The following COA1 variants were observed in gnomAD, a reference collection of about 807,000 sequenced individuals.
COA1 encodes cytochrome c oxidase assembly factor 1, also known as cytochrome c oxidase assembly factor 1 homolog.
A neutral mutation model predicts 16.0 loss-of-function variants in COA1; 13 were observed. That is an observed-to-expected ratio of 0.81 (90% CI 0.53 to 1.29). The LOEUF (loss-of-function observed/expected upper bound fraction) is 1.29. Ranked by LOEUF, COA1 falls within the 50% of genes most tolerant of loss-of-function variation. The pLI is 0.00. For missense variants in COA1, 179 were observed against 177.0 expected, an observed-to-expected ratio of 1.01 and a Z score of -0.06; for synonymous variants, 65 against 65.7, an observed-to-expected ratio of 0.99 and a Z score of 0.05.
rs187264143 is a variant in COA1 at position 43,658,159 on chromosome 7, G to A, written c.-38-9507C>T. Among the ~76,000 whole-genome samples the A allele has an allele frequency of 6.4e-3, 973 of 152,108 alleles. 4 individuals carry two copies. The highest frequency in any genetic ancestry group is 0.011 in the Non-Finnish European group (720 of 67,992). Reference sequence around the variant, plus strand: ...TGGGAGGCCGAGGCGGGTGGATCACGGGGTCAGGAGATCGAGACCATCCTG... The same window carrying A: ...TGGGAGGCCGAGGCGGGTGGATCACAGGGTCAGGAGATCGAGACCATCCTG... On this transcript the variant is annotated intron_variant, in intron 1 of 5. Transcript: ENST00000223336.
chr7:43,727,437 T>A (rs919232688), intron 1 of COA1, among the ~76,000 whole-genome samples: 2 of 152,180 alleles, frequency 1.3e-5, no homozygotes, highest in Non-Finnish European at 2.9e-5. Flanking sequence ...ACAGCAGCAT[T>A]ACACATAATG....
chr7:43,708,542 G>A (rs1230440573), intron 1 of COA1, among the ~76,000 whole-genome samples: 2 of 151,362 alleles, frequency 1.3e-5, no homozygotes, highest in Non-Finnish European at 2.9e-5. Flanking sequence ...TTAGTATTCT[G>A]GCAGGTGTGT....
At chr7:43,687,270 T>A (rs1042485334) in intron 1 of COA1, among the ~76,000 whole-genome samples, 4 of 152,206 alleles carry the variant, frequency 2.6e-5, no homozygotes, top group Non-Finnish European at 5.9e-5. Context: ...AGAAGACATT[T>A]TTTAAAAGGC....
Position 43,621,680 on chromosome 7 carries a change from C to T in COA1, c.*134-12185G>A, listed in dbSNP as rs188722495. 3.7e-3 allele frequency among the ~76,000 whole-genome samples: 565 copies of T among 152,154 alleles called. 2 individuals carry two copies. The highest frequency in any genetic ancestry group is 7.1e-3 in the Admixed American group (108 of 15,272). ...TAAAGATGGGTCTCACTGTGTTGCC[C>T]AGGCTAGTGATTTGTTTTAGAGCTT... On this transcript the variant is annotated intron_variant and NMD_transcript_variant, in intron 6 of 6. Coordinates refer to the COA1 transcript ENST00000415076.
intron 6 of COA1, chr7:43,619,599 T>C (rs2153005756): frequency 6.2e-7 from 1 of 1,612,828 alleles, no homozygotes; most frequent in Admixed American, 1.7e-5. Flanking sequence ...TCTTTTAGCC[T>C]CAGAATATTC....
At chr7:43,700,153 A>G (rs548499268) in intron 1 of COA1, among the ~76,000 whole-genome samples, 1 of 152,098 alleles carries the variant, frequency 6.6e-6, no homozygotes, top group Non-Finnish European at 1.5e-5. Context: ...AATATTTAGC[A>G]CCATCTAGTG....
intron 1 of COA1, among the ~76,000 whole-genome samples, chr7:43,711,022 T>C (rs567891395): frequency 3.0e-4 from 46 of 152,242 alleles, no homozygotes; most frequent in Non-Finnish European, 5.4e-4. Context: ...GTTTTTTTTT[T>C]TCATTTTTGT....
intron 1 of COA1, among the ~76,000 whole-genome samples, chr7:43,722,091 CTTTT>C (rs34638426): frequency 3.0e-5 from 4 of 132,342 alleles, no homozygotes; most frequent in East Asian, 2.2e-4. Context: ...ATTCTGGTAA[CTTTT>C]TTTTTTTTTT....
intron 1 of COA1, among the ~76,000 whole-genome samples, chr7:43,708,369 G>A (rs849175): frequency 0.37 from 55,529 of 148,628 alleles, 10,232 homozygotes; most frequent in South Asian, 0.55. Context: ...GCTAAAGTGA[G>A]AGGATTGCTT....
At chr7:43,623,672 G>A in intron 6 of COA1, 3 of 1,602,314 alleles carry the variant, frequency 1.9e-6, no homozygotes, top group Admixed American at 1.7e-5. Flanking sequence ...AAATGAGTAT[G>A]GTACTAAATT....
downstream of COA1, among the ~76,000 whole-genome samples, chr7:43,635,040 A>C (rs1160381853): frequency 6.6e-6 from 1 of 151,678 alleles, no homozygotes; most frequent in Non-Finnish European, 1.5e-5. Flanking sequence ...AAGTGTGTCT[A>C]CTCTTTCTTG....
In COA1 at chr7:43,639,549, G is replaced by C; in HGVS notation, c.*33C>G. On this transcript the variant is annotated 3_prime_UTR_variant, in exon 6 of 6. Transcript: ENST00000223336. ...ATATGGTAGAGATGAGGGAAGGATG[G>C]ACTAGAAGCAAGCTGGGTCTTCTGG... 4 of 1,557,516 alleles carry C rather than the reference G, an allele frequency of 2.6e-6. No individual in the cohort carries two copies. Among genetic ancestry groups the C allele is most frequent in the Non-Finnish European group, 3.5e-6 (4 of 1,128,886 alleles).
chr7:43,627,172 T>C (rs910293438), intron 6 of COA1, among the ~76,000 whole-genome samples: 6 of 152,254 alleles, frequency 3.9e-5, no homozygotes, highest in African/African-American at 1.4e-4. Context: ...GTTTATGAAA[T>C]GTATAAAATG....
chr7:43,612,337 G>A (rs1038362829), intron 6 of COA1, among the ~76,000 whole-genome samples: 5 of 152,170 alleles, frequency 3.3e-5, no homozygotes, highest in Non-Finnish European at 5.9e-5. Flanking sequence ...CCATGCATGC[G>A]GGAGTGATTT....
chr7:43,637,847 T>C (rs1215647471), downstream of COA1, among the ~76,000 whole-genome samples: 1 of 152,236 alleles, frequency 6.6e-6, no homozygotes, highest in Non-Finnish European at 1.5e-5. Context: ...TCAGAACAGA[T>C]GGCCAACCTA....
chr7:43,647,583 C>A lies in COA1; in HGVS notation c.67G>T (p.Gly23Cys), dbSNP rs371645573. 23 of 1,613,940 alleles carry A rather than the reference C, an allele frequency of 1.4e-5. No homozygotes were observed. Among genetic ancestry groups the A allele is most frequent in the Non-Finnish European group, 1.7e-5 (20 of 1,179,924 alleles). Residue 23 changes from glycine (G) to cysteine (C), a missense_variant, in exon 3 of 6, where the codon GGT becomes TGT. Coordinates refer to ENST00000223336, the MANE Select transcript of COA1 (RefSeq NM_018224.4). ...GCAAAGCCCCCGGCATAGAACACAC[C>A]GTGGAAAAGGATCCTTGCTCCCAGA... ...MPLGARILFH[G>C]VFYAGGFAIV... is the part of the protein sequence containing the mutation.
chr7:43,657,821 G>T (rs2091940159), intron 1 of COA1, among the ~76,000 whole-genome samples: 1 of 152,072 alleles, frequency 6.6e-6, no homozygotes, highest in Non-Finnish European at 1.5e-5. Flanking sequence ...ATAAGAAAAT[G>T]AACAACTTAA....
At chr7:43,672,510 GCCTGTAAT>G (rs2093320641) in intron 1 of COA1, among the ~76,000 whole-genome samples, 1 of 152,122 alleles carries the variant, frequency 6.6e-6, no homozygotes, top group South Asian at 2.1e-4. Context: ...AGTGGCTCAC[GCCTGTAAT>G]CCCAACACTT....
chr7:43,729,255 A>C (rs887290261), intron 1 of COA1, among the ~76,000 whole-genome samples, 174 bp downstream of exon 1: 1 of 152,254 alleles, frequency 6.6e-6, no homozygotes, highest in Non-Finnish European at 1.5e-5. Context: ...GGTGCCAAAG[A>C]AGCTGCGCAG....
Sources: gnomAD v4.1 joint callset for allele counts (sites outside exome capture counted in the v4.1 genomes callset) on GRCh38, gnomAD v4.1.1 for gene constraint, MANE v1.5 for transcripts, NCBI Gene and HGNC (gene_info 2026-07-23, HGNC 2026-07-21) for gene names.